The following RNF20 variants were observed in gnomAD, a reference collection of about 807,000 sequenced individuals.
RNF20 encodes ring finger protein 20.
RNF20 carries 84 observed loss-of-function variants against 126.2 expected under a neutral mutation model. That is an observed-to-expected ratio of 0.67 (90% confidence interval 0.56 to 0.80). RNF20 has a LOEUF of 0.80. Ranked by LOEUF, RNF20 falls within the 30% of genes least tolerant of loss-of-function variation. The probability of loss-of-function intolerance (pLI) is 0.00; values close to 1 mark genes in which losing one functional copy is unlikely to be tolerated. For synonymous variants in RNF20, 400 were observed against 414.3 expected (o/e 0.97, Z 0.42); for missense variants, 869 against 1,188.2 (o/e 0.73, Z 3.95).
rs764125998 is a variant in RNF20 at position 101,547,216 on chromosome 9, T to TA, written c.972+6dup. The TA allele has an allele frequency of 6.8e-6, 11 of 1,613,988 alleles. No homozygotes were observed. Among genetic ancestry groups the TA allele is most frequent in the Non-Finnish European group, 8.5e-6 (10 of 1,179,870 alleles). On this transcript the variant is annotated splice_region_variant and intron_variant, in intron 8 of 19. Coordinates refer to ENST00000389120, the MANE Select transcript of RNF20 (RefSeq NM_019592.7). The stretch of plus-strand genomic sequence containing the variant: ...ACAATCACTATCAATGCTCGGAAGG[T>TA]AAAATCAGTGACTCAGGACATGTTT...
At position 101,550,679 on chromosome 9, in the gene RNF20, C is replaced by A; in HGVS notation, c.1166C>A (p.Ser389Tyr). 6.2e-7 allele frequency: 1 copy of A among 1,614,102 alleles called. No homozygotes were observed. Among genetic ancestry groups the A allele is most frequent in the Non-Finnish European group, 8.5e-7 (1 of 1,179,976 alleles). Residue 389 changes from serine to tyrosine, a missense_variant, in exon 10 of 20, where the codon TCC (serine) becomes TAC (tyrosine). Coordinates refer to ENST00000389120, the MANE Select transcript of RNF20 (RefSeq NM_019592.7). ...PEYRCMQSQF[S>Y]VLYNESLQLK... ...TATCGCTGCATGCAGTCACAGTTCT[C>A]CGTCTTGTATAATGAGAGCCTACAG...
chr9:101,535,342 T>C, intron 1 of RNF20, 56 bp from the exon 2 acceptor site: 3 of 1,434,022 alleles, frequency 2.1e-6, no homozygotes, highest in Non-Finnish European at 2.8e-6. Flanking sequence ...ATTGTTTTAC[T>C]CTATTGTTGC....
chr9:101,543,939 C>T (rs1827304996), intron 5 of RNF20, among the ~76,000 whole-genome samples: 1 of 152,194 alleles, frequency 6.6e-6, no homozygotes, highest in East Asian at 1.9e-4. Context: ...ATGGGCAAGC[C>T]TAGCTTGAAA....
Position 101,557,454 on chromosome 9 carries a change from T to G in RNF20, c.2240T>G (p.Ile747Ser). ...QAFEDMQEQNIRLMQQLREKD... is the reference protein window; with the variant it reads ...QAFEDMQEQNSRLMQQLREKD... ...TTTGAAGACATGCAGGAGCAAAATA[T>G]CCGTTTGATGCAGCAATTGCGGGAG... The change falls in exon 16 of 20, where the codon ATC (isoleucine) becomes AGC (serine). Residue 747 changes from isoleucine (I) to serine (S), a missense_variant. This residue lies in a region of RNF20 where 30 missense variants were observed against 75.2 expected (regional missense o/e 0.40). Transcript: ENST00000389120. 1.2e-6 allele frequency: 2 copies of G among 1,613,982 alleles called. No individual in the cohort carries two copies. The highest frequency in any genetic ancestry group is 1.7e-6 in the Non-Finnish European group (2 of 1,179,930).
intron 5 of RNF20, among the ~76,000 whole-genome samples, chr9:101,544,427 C>G (rs1418790617): frequency 1.3e-5 from 2 of 152,176 alleles, no homozygotes; most frequent in Non-Finnish European, 2.9e-5. Context: ...CACTATAGGC[C>G]AGGCACGGTG....
At chr9:101,548,889 C>T (rs1482481856) in intron 9 of RNF20, among the ~76,000 whole-genome samples, 1 of 152,132 alleles carries the variant, frequency 6.6e-6, no homozygotes, top group Non-Finnish European at 1.5e-5. Context: ...GAAGGGAGGC[C>T]ATTCACATGT....
chr9:101,554,969 T>A, intron 15 of RNF20, 126 bp downstream of exon 15: 1 of 594,262 alleles, frequency 1.7e-6, no homozygotes, highest in Non-Finnish European at 2.6e-6. Flanking sequence ...TTTTCCTTTT[T>A]GTGTGTGTGT....
chr9:101,550,771 G>A lies in RNF20; in HGVS notation c.1258G>A (p.Val420Ile), dbSNP rs1326331677. Residue 420 changes from valine to isoleucine, a missense_variant, in exon 10 of 20, where the codon GTT becomes ATT. Around this residue, in one of 8 missense-constraint regions of RNF20, gnomAD observed 153 missense variants for 226.4 expected, o/e 0.68. Coordinates refer to ENST00000389120, the MANE Select transcript of RNF20 (RefSeq NM_019592.7). Reference protein sequence around the residue: ...HGTRGTHQHQVELIERDEVSL... With the variant: ...HGTRGTHQHQIELIERDEVSL... The stretch of plus-strand genomic sequence containing the variant: ...CACCAGAGGAACCCACCAGCACCAG[G>A]TTGAGCTTATTGAGGTAATAGCCTT... 2 of 1,614,158 alleles carry A rather than the reference G, an allele frequency of 1.2e-6. No homozygotes were observed. Among genetic ancestry groups the A allele is most frequent in the Non-Finnish European group, 1.7e-6 (2 of 1,180,012 alleles).
chr9:101,562,661 T>C lies in RNF20; in HGVS notation c.*239T>C, dbSNP rs1827646251. 2.6e-6 allele frequency: 1 copy of C among 390,208 alleles called. No homozygotes were observed. The highest frequency in any genetic ancestry group is 2.0e-5 in the African/African-American group (1 of 48,820). The allele number at this position is 390,208 out of a possible 1,614,324, so 24.2% of individuals were successfully genotyped here. ...TAGAAACAAATAACTCTTACTGTCT[T>C]CCCTCCCAGCTTTGTTTATTTTGTG... On this transcript the variant is annotated 3_prime_UTR_variant, in exon 20 of 20. Coordinates refer to ENST00000389120, the MANE Select transcript of RNF20 (RefSeq NM_019592.7).
chr9:101,549,086 G>C (rs964095544), intron 9 of RNF20, among the ~76,000 whole-genome samples: 1 of 152,224 alleles, frequency 6.6e-6, no homozygotes, highest in Non-Finnish European at 1.5e-5. Flanking sequence ...GGAGACGAGA[G>C]AGTGTAGAAA....
intron 3 of RNF20, 33 bp from the exon 4 acceptor site, chr9:101,540,457 T>C (rs1409407154): frequency 6.2e-7 from 1 of 1,611,526 alleles, no homozygotes; most frequent in African/African-American, 1.3e-5. Context: ...TTGTGTCCTT[T>C]GTTTCTTCAT....
At chr9:101,534,847 T>C (rs1032204458) in intron 1 of RNF20, among the ~76,000 whole-genome samples, 3 of 152,076 alleles carry the variant, frequency 2.0e-5, no homozygotes, top group Non-Finnish European at 2.9e-5. Context: ...TCATTTCTTA[T>C]CACCATTCTT....
chr9:101,560,323 C>T (rs1252652725), intron 16 of RNF20, among the ~76,000 whole-genome samples: 3 of 152,026 alleles, frequency 2.0e-5, no homozygotes, highest in East Asian at 3.9e-4. Context: ...ATGGTTACCT[C>T]TACATATTGG....
At chr9:101,546,349 G>A (rs963787510) in intron 6 of RNF20, among the ~76,000 whole-genome samples, 3 of 152,090 alleles carry the variant, frequency 2.0e-5, no homozygotes, top group East Asian at 3.9e-4. Flanking sequence ...TTGCTCTGGG[G>A]TGAGCTTAAA....
chr9:101,547,927 T>G (rs896750192), intron 9 of RNF20, among the ~76,000 whole-genome samples: 2 of 152,136 alleles, frequency 1.3e-5, no homozygotes, highest in African/African-American at 2.4e-5. Context: ...CCTTACAGGC[T>G]CCACGAAAAA....
rs775283516 is a variant in RNF20 at position 101,552,566 on chromosome 9, G to C, written c.1714G>C (p.Glu572Gln). The C allele has an allele frequency of 1.9e-6, 3 of 1,610,236 alleles. No individual in the cohort carries two copies. The highest frequency in any genetic ancestry group is 1.7e-6 in the Non-Finnish European group (2 of 1,176,556). ...ACGGGATGAAGAAGAACGAGAACGA[G>C]AAAGGAGGGAGAAGGAGAGGGAACG... is the stretch of plus-strand genomic sequence containing the variant. ...SKRDEEERER[E>Q]RREKERERER... Residue 572 changes from glutamate to glutamine, a missense_variant, in exon 13 of 20, where the codon GAA becomes CAA. Transcript: ENST00000389120.
chr9:101,543,801 T>C (rs1827301713), intron 5 of RNF20, among the ~76,000 whole-genome samples: 1 of 152,266 alleles, frequency 6.6e-6, no homozygotes, highest in Non-Finnish European at 1.5e-5. Flanking sequence ...AGGTTATGAA[T>C]CAGAATAACC....
rs201211192 is a variant in RNF20 at position 101,552,132 on chromosome 9, G to A, written c.1409-9G>A. 492 of 1,614,022 alleles carry A rather than the reference G, an allele frequency of 3.0e-4. 1 individual carries two copies. The African/African-American group carries it at 5.9e-3, about 19-fold the overall frequency. ...GGTTCCTCATAACATTGTTGTTCCT[G>A]TATTTAAGGCCCTATAAACAGGGAG... On this transcript the variant is annotated splice_polypyrimidine_tract_variant and intron_variant, in intron 11 of 19. Coordinates refer to ENST00000389120, the MANE Select transcript of RNF20 (RefSeq NM_019592.7).
Position 101,538,990 on chromosome 9 carries a change from C to T in RNF20, c.130-1213C>T, listed in dbSNP as rs73503226. Among the ~76,000 whole-genome samples, 1,478 of 152,172 alleles carry T rather than the reference C, an allele frequency of 9.7e-3. 21 individuals are homozygous for T. The highest frequency in any genetic ancestry group is 0.034 in the African/African-American group (1,401 of 41,510). On this transcript the variant is annotated intron_variant, in intron 2 of 19. Coordinates refer to ENST00000389120, the MANE Select transcript of RNF20 (RefSeq NM_019592.7). ...TAATGGAGTGAGGGTTTTGTAGAGA[C>T]AGAAGAGAACAGGATCCTGAGCACA...
Sources: gnomAD v4.1 joint callset for allele counts (sites outside exome capture counted in the v4.1 genomes callset) on GRCh38, gnomAD v4.1.1 for gene constraint, gnomAD v4.1.1 regional missense constraint, MANE v1.5 for transcripts, NCBI Gene and HGNC (gene_info 2026-07-23, HGNC 2026-07-21) for gene names.